ARHGEF4: variants seen among roughly 807,000 people sequenced by gnomAD.
ARHGEF4 encodes Rho guanine nucleotide exchange factor 4, also known as APC-stimulated guanine nucleotide exchange factor 1.
ARHGEF4 carries 119 observed loss-of-function variants against 162.0 expected under a neutral mutation model. The observed-to-expected ratio is 0.73, with a 90% CI of 0.63 to 0.86. The LOEUF (loss-of-function observed/expected upper bound fraction) is 0.86. Ranked by LOEUF, ARHGEF4 falls within the 40% of genes least tolerant of loss-of-function variation. ARHGEF4 has a pLI of 0.00. For synonymous variants in ARHGEF4, 1,014 were observed against 979.9 expected (o/e 1.03, Z -0.65); for missense variants, 2,488 against 2,456.0 (o/e 1.01, Z -0.28).
At chr2:130,904,663 A>G (rs1344518838) in intron 1 of ARHGEF4, among the ~76,000 whole-genome samples, 1 of 152,200 alleles carries the variant, frequency 6.6e-6, no homozygotes, top group Non-Finnish European at 1.5e-5. Context: ...TCCTGACAGA[A>G]TGACCTATGA....
At chr2:131,041,495 C>T (rs367662359) in intron 9 of ARHGEF4, 33 bp downstream of exon 9, 25 of 1,583,940 alleles carry the variant, frequency 1.6e-5, no homozygotes, top group Admixed American at 6.8e-5. Context: ...AGGCAGCCCA[C>T]GCCTCTGCAT....
intron 5 of ARHGEF4, among the ~76,000 whole-genome samples, chr2:131,037,409 C>G (rs1456543964): frequency 6.6e-6 from 1 of 152,228 alleles, no homozygotes; most frequent in African/African-American, 2.4e-5. Flanking sequence ...TGGCCCCACT[C>G]TTGGTTTCCA....
intron 1 of ARHGEF4, among the ~76,000 whole-genome samples, chr2:130,846,928 G>A (rs527977718): frequency 3.6e-4 from 55 of 152,318 alleles, no homozygotes; most frequent in African/African-American, 1.2e-3. Context: ...AGGGCCTGCC[G>A]GATGGCAGAT....
chr2:130,838,555 A>G (rs1442883503), intron 1 of ARHGEF4, among the ~76,000 whole-genome samples: 1 of 152,084 alleles, frequency 6.6e-6, no homozygotes, highest in African/African-American at 2.4e-5. Flanking sequence ...GCAGTGAGCC[A>G]AGATAGCACC....
chr2:131,035,876 G>T (rs1399974257), intron 5 of ARHGEF4: 7 of 985,252 alleles, frequency 7.1e-6, no homozygotes, highest in Non-Finnish European at 8.4e-6. Flanking sequence ...CGGTCACAGG[G>T]AGTAGCTGGA....
intron 3 of ARHGEF4, among the ~76,000 whole-genome samples, chr2:130,944,780 T>G (rs1297215785): frequency 6.6e-6 from 1 of 152,218 alleles, no homozygotes; most frequent in African/African-American, 2.4e-5. Context: ...CCCTTAAAAG[T>G]TATTGAGATC....
intron 4 of ARHGEF4, among the ~76,000 whole-genome samples, chr2:130,961,737 TTGAAGGTAGACCCCACAAGACTTGC>T (rs1300811391): frequency 6.6e-6 from 1 of 152,114 alleles, no homozygotes; most frequent in Non-Finnish European, 1.5e-5. Context: ...GACATTTATT[TTGAAGGTAGACCCCACAAGACTTGC>T]TGATGGCCTG....
At chr2:130,843,461 C>T (rs553538196) in intron 1 of ARHGEF4, among the ~76,000 whole-genome samples, 1 of 152,302 alleles carries the variant, frequency 6.6e-6, no homozygotes, top group Non-Finnish European at 1.5e-5. Flanking sequence ...TGCCAGCAGG[C>T]CTTCCGTGCC....
chr2:130,937,667 T>C (rs1010118720), intron 3 of ARHGEF4, among the ~76,000 whole-genome samples: 5 of 100,838 alleles, frequency 5.0e-5, no homozygotes, highest in Non-Finnish European at 1.0e-4. Context: ...CTTTGTATCA[T>C]AATTTTTTTT....
intron 2 of ARHGEF4, among the ~76,000 whole-genome samples, chr2:130,925,954 AGT>A (rs2105087466): frequency 6.6e-6 from 1 of 152,062 alleles, no homozygotes; most frequent in South Asian, 2.1e-4. Context: ...CCAGTTATCT[AGT>A]GTTTGATCTT....
At position 130,914,110 on chromosome 2, in the gene ARHGEF4, C is replaced by T. The variant is rs758232300; in HGVS notation, c.164C>T (p.Thr55Met). ...NQQTDRDDSE[T>M]LSQQSESGSD... is the part of the protein sequence containing the mutation. ...CAAACAGACCGCGATGATTCTGAAA[C>T]GCTGTCCCAGCAGAGTGAAAGTGGA... Residue 55 changes from threonine (T) to methionine (M), a missense_variant, in exon 2 of 14, where the codon ACG becomes ATG. Thr to Met is a moderately conservative substitution (Grantham distance 81). This residue lies in a region of ARHGEF4 where 171 missense variants were observed against 169.4 expected (regional missense o/e 1.01). Transcript: ENST00000409359. The T allele has an allele frequency of 9.8e-5, 151 of 1,536,020 alleles. No homozygotes were observed. The highest frequency in any genetic ancestry group is 1.1e-4 in the Non-Finnish European group (130 of 1,146,918).
At position 131,040,255 on chromosome 2, in the gene ARHGEF4, C is replaced by T; in HGVS notation, c.4483-6C>T. On this transcript the variant is annotated splice_region_variant and splice_polypyrimidine_tract_variant and intron_variant, in intron 7 of 13. Coordinates refer to ENST00000409359, the MANE Select transcript of ARHGEF4 (RefSeq NM_001367493.1). ...TCGGGGGAGGCCTAACCACGTCCGC[C>T]CGCAGGGCTACGTCCGGCAGTGCCG... The T allele has an allele frequency of 1.2e-6, 2 of 1,612,072 alleles. No individual in the cohort carries two copies. The highest frequency in any genetic ancestry group is 1.7e-6 in the Non-Finnish European group (2 of 1,179,340).
intron 4 of ARHGEF4, among the ~76,000 whole-genome samples, chr2:130,957,080 T>C (rs1320667810): frequency 1.3e-5 from 2 of 152,112 alleles, no homozygotes; most frequent in South Asian, 2.1e-4. Flanking sequence ...CAGGCTCTTC[T>C]CAATTCCTTT....
chr2:130,913,258 G>C (rs1681300127), intron 1 of ARHGEF4, among the ~76,000 whole-genome samples: 1 of 152,170 alleles, frequency 6.6e-6, no homozygotes. Context: ...TGGGGAAATG[G>C]AAACAGTCTA....
chr2:130,914,084 G>T lies in ARHGEF4; in HGVS notation c.138G>T (p.Gln46His). The change falls in exon 2 of 14, where the codon CAG (glutamine) becomes CAT (histidine). Residue 46 changes from glutamine (Q) to histidine (H), a missense_variant. By Grantham distance (24) the Gln-to-His change is conservative. This residue lies in a region of ARHGEF4 where 171 missense variants were observed against 169.4 expected (regional missense o/e 1.01). Coordinates refer to ENST00000409359, the MANE Select transcript of ARHGEF4 (RefSeq NM_001367493.1). ...AACAAGTGGAGCAGGGATGGAACCA[G>T]CAAACAGACCGCGATGATTCTGAAA... is the stretch of plus-strand genomic sequence containing the variant. ...PAEQVEQGWN[Q>H]QTDRDDSETL... 6.5e-7 allele frequency: 1 copy of T among 1,536,144 alleles called. No homozygotes were observed. Among genetic ancestry groups the T allele is most frequent in the Non-Finnish European group, 8.7e-7 (1 of 1,146,912 alleles).
chr2:130,929,126 G>A (rs537610680), intron 2 of ARHGEF4, among the ~76,000 whole-genome samples: 33 of 152,174 alleles, frequency 2.2e-4, no homozygotes, highest in Non-Finnish European at 3.7e-4. Flanking sequence ...AGTCGCTTAA[G>A]TTCTCTGAGT....
chr2:130,844,348 T>G (rs1405308268), intron 1 of ARHGEF4, among the ~76,000 whole-genome samples: 2 of 152,162 alleles, frequency 1.3e-5, no homozygotes, highest in Non-Finnish European at 2.9e-5. Flanking sequence ...CCTCCGGCCC[T>G]CACGTTGCCC....
chr2:130,852,932 C>G (rs1307463185), intron 1 of ARHGEF4, among the ~76,000 whole-genome samples: 2 of 152,208 alleles, frequency 1.3e-5, no homozygotes, highest in African/African-American at 4.8e-5. Context: ...GCCGGCTGCC[C>G]CATCTGGAGG....
chr2:130,969,977 C>T (rs985536266), intron 4 of ARHGEF4, among the ~76,000 whole-genome samples: 3 of 152,138 alleles, frequency 2.0e-5, no homozygotes, highest in African/African-American at 7.2e-5. Context: ...AGGTTTTTTC[C>T]TCTTAGTTGC....
Sources: gnomAD v4.1 joint callset for allele counts (sites outside exome capture counted in the v4.1 genomes callset) on GRCh38, gnomAD v4.1.1 for gene constraint, gnomAD v4.1.1 regional missense constraint, MANE v1.5 for transcripts, NCBI Gene and HGNC (gene_info 2026-07-23, HGNC 2026-07-21) for gene names.